SPATA6: variants seen among roughly 807,000 people sequenced by gnomAD.
SPATA6 encodes the protein spermatogenesis associated 6.
Under a neutral mutation model 65.3 loss-of-function variants are expected in SPATA6, and 56 were observed. That is an observed-to-expected ratio of 0.86 (90% CI 0.69 to 1.07). SPATA6 has a LOEUF of 1.07. Ranked by LOEUF, SPATA6 falls within the 50% of genes least tolerant of loss-of-function variation. The pLI, the probability that SPATA6 is intolerant of heterozygous loss-of-function variation, is 0.00. For missense variants in SPATA6, 590 were observed against 594.8 expected (o/e 0.99, Z 0.08); for synonymous variants, 199 against 213.2 (o/e 0.93, Z 0.58).
intron 3 of SPATA6, among the ~76,000 whole-genome samples, chr1:48,446,142 C>G (rs1015582322): frequency 6.6e-6 from 1 of 151,990 alleles, no homozygotes; most frequent in Non-Finnish European, 1.5e-5. Context: ...GCCATTACCC[C>G]TAGGGCTCAG....
chr1:48,285,634 G>C, the SPATA6 span, among the ~76,000 whole-genome samples: 1 of 152,108 alleles, frequency 6.6e-6, no homozygotes, highest in Non-Finnish European at 1.5e-5. Context: ...ATAGTATCTG[G>C]GCCAAATGCA....
At chr1:48,396,319 T>C (rs1415629439) in intron 7 of SPATA6, among the ~76,000 whole-genome samples, 1 of 151,778 alleles carries the variant, frequency 6.6e-6, no homozygotes, top group African/African-American at 2.4e-5. Flanking sequence ...AAAAACACTA[T>C]GTCAGGGTCT....
chr1:48,393,610 G>T (rs183030544), intron 8 of SPATA6, among the ~76,000 whole-genome samples: 1 of 151,996 alleles, frequency 6.6e-6, no homozygotes, highest in Non-Finnish European at 1.5e-5. Flanking sequence ...ATTAACTGGC[G>T]TTAATCACAT....
intron 1 of SPATA6, among the ~76,000 whole-genome samples, chr1:48,462,220 G>A (rs1247554917): frequency 6.6e-6 from 1 of 152,120 alleles, no homozygotes; most frequent in Non-Finnish European, 1.5e-5. Flanking sequence ...GGGAGGGATA[G>A]CATTAGGAGA....
chr1:48,469,809 T>TG (rs559501738), intron 1 of SPATA6, among the ~76,000 whole-genome samples: 3,784 of 144,460 alleles, frequency 0.026, 96 homozygotes, highest in African/African-American at 0.07. Context: ...GTTTTTTTTG[T>TG]GGGGGGGGCG....
At chr1:48,428,571 T>C (rs1654061455) in intron 3 of SPATA6, among the ~76,000 whole-genome samples, 1 of 152,170 alleles carries the variant, frequency 6.6e-6, no homozygotes, top group Admixed American at 6.6e-5. Flanking sequence ...AAAATATGTT[T>C]ACTATTTATT....
At chr1:48,447,181 T>TG (rs1200096540) in intron 3 of SPATA6, among the ~76,000 whole-genome samples, 1 of 152,206 alleles carries the variant, frequency 6.6e-6, no homozygotes, top group East Asian at 1.9e-4. Context: ...GTAACGCTTC[T>TG]GGTCAAGAAT....
chr1:48,327,764 T>C (rs891768646), intron 11 of SPATA6, among the ~76,000 whole-genome samples: 10 of 152,076 alleles, frequency 6.6e-5, no homozygotes, highest in Admixed American at 5.9e-4. Flanking sequence ...AGATAAACAA[T>C]AGGTGCACTG....
intron 5 of SPATA6, among the ~76,000 whole-genome samples, chr1:48,406,135 C>G (rs902060766): frequency 6.6e-6 from 1 of 152,042 alleles, no homozygotes; most frequent in Non-Finnish European, 1.5e-5. Context: ...TCACTATAGA[C>G]ATTCCTGTTT....
chr1:48,278,982 C>T, the SPATA6 span, among the ~76,000 whole-genome samples: 1 of 152,178 alleles, frequency 6.6e-6, no homozygotes, highest in Admixed American at 6.5e-5. Flanking sequence ...CAGCGGATCT[C>T]TCGGCAGAAA....
intron 5 of SPATA6, among the ~76,000 whole-genome samples, chr1:48,409,443 T>C (rs1280166207): frequency 1.3e-5 from 2 of 152,210 alleles, no homozygotes; most frequent in Non-Finnish European, 2.9e-5. Context: ...TCCAGGCACA[T>C]GGTGCAAGCT....
At chr1:48,462,794 T>C (rs1183802827) in intron 1 of SPATA6, among the ~76,000 whole-genome samples, 1 of 152,218 alleles carries the variant, frequency 6.6e-6, no homozygotes, top group South Asian at 2.1e-4. Flanking sequence ...TCTACTTCAC[T>C]GGGTTAAGGG....
the SPATA6 span, among the ~76,000 whole-genome samples, chr1:48,279,181 GCA>G: frequency 6.6e-6 from 1 of 152,142 alleles, no homozygotes; most frequent in Non-Finnish European, 1.5e-5. Context: ...CCTGAAGGAA[GCA>G]TTAAACATGG....
intron 11 of SPATA6, chr1:48,325,195 C>T (rs1570127167): frequency 1.4e-6 from 1 of 692,186 alleles, no homozygotes; most frequent in Non-Finnish European, 2.6e-6. Context: ...GTGCAGGGTT[C>T]GTGTTCACTG....
At chr1:48,316,888 CAAAAG>C (rs970241424) in intron 11 of SPATA6, among the ~76,000 whole-genome samples, 1 of 152,142 alleles carries the variant, frequency 6.6e-6, no homozygotes, top group Non-Finnish European at 1.5e-5. Flanking sequence ...AGACACTTCT[CAAAAG>C]AAGACATTTA....
At chr1:48,434,955 T>C (rs1654757154) in intron 3 of SPATA6, among the ~76,000 whole-genome samples, 2 of 151,332 alleles carry the variant, frequency 1.3e-5, no homozygotes, top group African/African-American at 2.4e-5. Context: ...ATCATGGGCA[T>C]TTAATATAAT....
At chr1:48,438,886 G>C (rs528730529) in intron 3 of SPATA6, among the ~76,000 whole-genome samples, 15 of 152,142 alleles carry the variant, frequency 9.9e-5, no homozygotes, top group Admixed American at 3.3e-4. Context: ...CCCATCAGGT[G>C]GGGGGGACTA....
At chr1:48,346,073 A>C (rs2148778733) in intron 11 of SPATA6, among the ~76,000 whole-genome samples, 1 of 152,234 alleles carries the variant, frequency 6.6e-6, no homozygotes, top group South Asian at 2.1e-4. Context: ...TCAAGGCAAA[A>C]ATCCTCAACA....
chr1:48,378,537 C>A (rs922774280), intron 9 of SPATA6, among the ~76,000 whole-genome samples: 6 of 152,010 alleles, frequency 3.9e-5, no homozygotes, highest in African/African-American at 1.5e-4. Flanking sequence ...GCTGGGGAGG[C>A]CTCAGAATCA....
Sources: gnomAD v4.1 joint callset for allele counts (sites outside exome capture counted in the v4.1 genomes callset) on GRCh38, gnomAD v4.1.1 for gene constraint, MANE v1.5 for transcripts, NCBI Gene and HGNC (gene_info 2026-07-23, HGNC 2026-07-21) for gene names.